The following EIF3E variants were observed in gnomAD, a reference collection of about 807,000 sequenced individuals.
The protein encoded by EIF3E is eukaryotic translation initiation factor 3 subunit E.
EIF3E carries 25 observed loss-of-function variants against 59.3 expected under a neutral mutation model. The ratio of observed to expected loss-of-function variants is 0.42; its 90% confidence interval spans 0.31 to 0.59. EIF3E has a LOEUF of 0.59. Among genes scored for constraint, EIF3E ranks in the 20% least tolerant of loss-of-function variants. EIF3E has a pLI of 0.15. For synonymous variants in EIF3E, 176 were observed against 170.2 expected, an observed-to-expected ratio of 1.03 and a Z score of -0.26; for missense variants, 317 against 534.3, an observed-to-expected ratio of 0.59 and a Z score of 4.01.
intron 6 of EIF3E, among the ~76,000 whole-genome samples, chr8:108,228,615 C>T (rs1815564662): frequency 6.6e-6 from 1 of 152,084 alleles, no homozygotes; most frequent in Non-Finnish European, 1.5e-5. Flanking sequence ...ATAATGTCTA[C>T]TGAAGACGCT....
At chr8:108,246,574 G>A (rs901388577) in intron 1 of EIF3E, among the ~76,000 whole-genome samples, 6 of 152,036 alleles carry the variant, frequency 3.9e-5, no homozygotes, top group Non-Finnish European at 7.4e-5. Flanking sequence ...ACCCTTGGAC[G>A]ACAAGGGTTT....
chr8:108,210,019 T>G (rs1260895623), intron 10 of EIF3E, among the ~76,000 whole-genome samples: 3 of 150,890 alleles, frequency 2.0e-5, no homozygotes, highest in African/African-American at 7.3e-5. Flanking sequence ...TGATACATAA[T>G]CATCTCAAAA....
chr8:108,234,823 G>T, intron 5 of EIF3E, 175 bp downstream of exon 5: 1 of 392,714 alleles, frequency 2.5e-6, no homozygotes, highest in Non-Finnish European at 4.5e-6. Flanking sequence ...CTGAAACAAG[G>T]TTTCTAGTTT....
intron 7 of EIF3E, among the ~76,000 whole-genome samples, chr8:108,221,802 A>ACGCACACATG (rs779594373): frequency 6.6e-6 from 1 of 151,802 alleles, no homozygotes; most frequent in African/African-American, 2.4e-5. Flanking sequence ...GACTACACAC[A>ACGCACACATG]CACGCACACA....
intron 12 of EIF3E, among the ~76,000 whole-genome samples, chr8:108,202,310 G>A (rs1243827905): frequency 1.3e-5 from 2 of 151,854 alleles, no homozygotes; most frequent in East Asian, 3.9e-4. Flanking sequence ...TTGAACTAAA[G>A]GATTATTCTG....
rs1478321064 is a variant in EIF3E at position 108,204,365 on chromosome 8, A to G, written c.1062-862T>C. On this transcript the variant is annotated intron_variant, in intron 10 of 12. Transcript: ENST00000220849. Reference sequence around the variant, plus strand: ...ATATATAAACCATGGAATACTACTCAGCCATGAAAAGGAAGAAAATAATGT... The same window carrying G: ...ATATATAAACCATGGAATACTACTCGGCCATGAAAAGGAAGAAAATAATGT... Among the ~76,000 whole-genome samples the G allele has an allele frequency of 3.3e-5, 5 of 152,104 alleles. No individual in the cohort carries two copies. In the South Asian group the frequency reaches 1.0e-3, roughly 31 times the overall value.
Position 108,203,280 on chromosome 8 carries a change from G to T in EIF3E, c.1164+121C>A, listed in dbSNP as rs924109542. ...ATAGGAGGCTTCTGTTGCCTTCAAA[G>T]AACTGTTTTACATTAAAACAAAATA... On this transcript the variant is annotated intron_variant, in intron 11 of 12. Coordinates refer to ENST00000220849, the MANE Select transcript of EIF3E (RefSeq NM_001568.3). 4.6e-6 allele frequency: 6 copies of T among 1,291,028 alleles called. No individual in the cohort carries two copies. In the African/African-American group the frequency reaches 6.1e-5, roughly 13 times the overall value. 80.0% of individuals were successfully genotyped at this position (1,291,028 alleles called of 1,614,324 possible). A position where few individuals can be genotyped will look rare whatever the true frequency, so the allele number is the denominator to read the frequency against.
At chr8:108,242,716 A>T (rs1457266899) in intron 1 of EIF3E, 1 of 1,016,780 alleles carries the variant, frequency 9.8e-7, no homozygotes, top group Non-Finnish European at 1.2e-6. Flanking sequence ...AAGACAAGAC[A>T]GACCTTGCAA....
Position 108,240,058 on chromosome 8 carries a change from T to C in EIF3E, c.223A>G (p.Thr75Ala). The change falls in exon 3 of 13, where the codon ACC becomes GCC. Residue 75 changes from threonine (T) to alanine (A), a missense_variant. Transcript: ENST00000220849. ...DIPHALREKR[T>A]TVVAQLKQLQ... ...TGTTTCAGTTGTGCAACCACTGTGG[T>C]TCTTTTCTCTCTCAAAGCTAATTAA... 1 of 1,613,862 alleles carries C rather than the reference T, an allele frequency of 6.2e-7. No homozygotes were observed. Among genetic ancestry groups the C allele is most frequent in the Non-Finnish European group, 8.5e-7 (1 of 1,179,762 alleles).
intron 10 of EIF3E, among the ~76,000 whole-genome samples, chr8:108,212,594 G>A (rs1298944985): frequency 1.3e-5 from 2 of 152,166 alleles, no homozygotes; most frequent in African/African-American, 4.8e-5. Flanking sequence ...TTGAGGCCAG[G>A]AGTTCAAGAC....
intron 1 of EIF3E, among the ~76,000 whole-genome samples, chr8:108,245,754 T>C (rs954148368): frequency 1.4e-4 from 21 of 152,244 alleles, no homozygotes; most frequent in Non-Finnish European, 2.8e-4. Context: ...TATGTATTCA[T>C]TCAATCATTT....
chr8:108,234,851 G>A, intron 5 of EIF3E, 147 bp downstream of exon 5: 2 of 425,310 alleles, frequency 4.7e-6, no homozygotes, highest in Non-Finnish European at 8.1e-6. Context: ...TGAGTGGGAG[G>A]GTTTTCTTTA....
intron 11 of EIF3E, 46 bp downstream of exon 11, chr8:108,203,355 A>G (rs757443872): frequency 6.5e-7 from 1 of 1,527,642 alleles, no homozygotes; most frequent in Admixed American, 1.8e-5. Context: ...TCCCAAAAGT[A>G]TAATCAGGAA....
intron 3 of EIF3E, among the ~76,000 whole-genome samples, chr8:108,238,680 A>G (rs1815782163): frequency 6.6e-6 from 1 of 152,076 alleles, no homozygotes. Flanking sequence ...ACGCTATAGT[A>G]TGGCACAGTA....
chr8:108,224,085 G>T (rs539720132), intron 7 of EIF3E, among the ~76,000 whole-genome samples: 1 of 150,732 alleles, frequency 6.6e-6, no homozygotes, highest in Non-Finnish European at 1.5e-5. Flanking sequence ...AGCCAGGCGT[G>T]GTGGTGGGCG....
Position 108,206,287 on chromosome 8 carries a change from T to C in EIF3E, c.1062-2784A>G, listed in dbSNP as rs376310844. ...TTACAGTGAGCTGAGATGGCATCAC[T>C]GCATTCCAGCATGGGCAACAAAGTG... On this transcript the variant is annotated intron_variant, in intron 10 of 12. Transcript: ENST00000220849. 4.0e-5 allele frequency among the ~76,000 whole-genome samples: 6 copies of C among 151,528 alleles called. No individual in the cohort carries two copies. The East Asian group carries it at 1.2e-3, about 29-fold the overall frequency.
chr8:108,238,425 T>A (rs1815775594), intron 3 of EIF3E, among the ~76,000 whole-genome samples: 1 of 152,324 alleles, frequency 6.6e-6, no homozygotes, highest in Non-Finnish European at 1.5e-5. Context: ...ATTATACACA[T>A]CCTCCCATCC....
intron 6 of EIF3E, 73 bp downstream of exon 6, chr8:108,228,997 T>A: frequency 2.9e-6 from 4 of 1,396,034 alleles, no homozygotes; most frequent in Non-Finnish European, 2.8e-6. Flanking sequence ...AAATGCATAG[T>A]GATTTTCCTC....
chr8:108,242,667 G>A (rs770683724), intron 1 of EIF3E: 458 of 1,130,608 alleles, frequency 4.1e-4, no homozygotes, highest in Admixed American at 6.1e-4. Context: ...GAGCAAAATC[G>A]AACCTTCCAA....
Sources: allele counts gnomAD v4.1 joint callset (sites outside exome capture counted in the v4.1 genomes callset), GRCh38; gene constraint gnomAD v4.1.1; transcripts MANE v1.5; gene names NCBI Gene and HGNC (gene_info 2026-07-23, HGNC 2026-07-21).